The following PREX2 variants were observed in gnomAD, a reference collection of about 807,000 sequenced individuals.
PREX2 encodes the protein phosphatidylinositol 3,4,5-trisphosphate-dependent Rac exchanger 2 protein.
Under a neutral mutation model 203.2 loss-of-function variants are expected in PREX2, and 107 were observed. The observed-to-expected ratio is 0.53, with a 90% CI of 0.45 to 0.62. The LOEUF (loss-of-function observed/expected upper bound fraction) is 0.62. Among genes scored for constraint, PREX2 ranks in the 20% least tolerant of loss-of-function variants. PREX2 has a pLI of 0.00. For synonymous variants in PREX2, 672 were observed against 663.6 expected (o/e 1.01, Z -0.19); for missense variants, 1,777 against 1,955.9 (o/e 0.91, Z 1.72).
rs961986067 is a variant in PREX2 at position 68,020,334 on chromosome 8, A to C, written c.336+663A>C. Reference sequence around the variant, plus strand: ...TTCAGAACTAAAGGGCATTCACACCAAAAAAAAAAAAAAAAAAAAGTATGC... The same window carrying C: ...TTCAGAACTAAAGGGCATTCACACCCAAAAAAAAAAAAAAAAAAAGTATGC... On this transcript the variant is annotated intron_variant, in intron 3 of 39. Transcript: ENST00000288368. Among the ~76,000 whole-genome samples, 7 of 44,924 alleles carry C rather than the reference A, an allele frequency of 1.6e-4. No individual in the cohort carries two copies. The African/African-American group carries it at 3.7e-3, about 23-fold the overall frequency. 29.5% of individuals were successfully genotyped at this position (44,924 alleles called of 152,430 possible).
At chr8:68,089,133 C>T (rs1475977113) in intron 19 of PREX2, among the ~76,000 whole-genome samples, 1 of 151,930 alleles carries the variant, frequency 6.6e-6, no homozygotes, top group Non-Finnish European at 1.5e-5. Flanking sequence ...CCCCTGCCTC[C>T]CACCCTCAGC....
intron 37 of PREX2, among the ~76,000 whole-genome samples, chr8:68,216,402 G>A (rs1812838996): frequency 6.6e-6 from 1 of 152,018 alleles, no homozygotes; most frequent in South Asian, 2.1e-4. Flanking sequence ...GGAGGTAAAT[G>A]CAAAATAAGG....
chr8:67,965,202 C>G (rs1230502795), intron 1 of PREX2, among the ~76,000 whole-genome samples: 1 of 152,148 alleles, frequency 6.6e-6, no homozygotes, highest in Non-Finnish European at 1.5e-5. Context: ...AGGAGTTTCC[C>G]TCACAGAAAT....
At chr8:68,083,554 C>T (rs4513957) in intron 18 of PREX2, among the ~76,000 whole-genome samples, 166 bp downstream of exon 18, 80,882 of 151,994 alleles carry the variant, frequency 0.53, 21,522 homozygotes, top group South Asian at 0.56. Flanking sequence ...GAAGCTACAT[C>T]GCTTGTGATG....
chr8:67,986,929 A>T (rs1206929644), intron 1 of PREX2, among the ~76,000 whole-genome samples: 1 of 151,988 alleles, frequency 6.6e-6, no homozygotes, highest in South Asian at 2.1e-4. Flanking sequence ...ACTTCGGGAG[A>T]CTGAGGTGGG....
Position 68,112,589 on chromosome 8 carries a change from C to A in PREX2, c.3146+2966C>A, listed in dbSNP as rs141381181. 4.5e-3 allele frequency among the ~76,000 whole-genome samples: 689 copies of A among 152,124 alleles called. 7 individuals carry two copies. The highest frequency in any genetic ancestry group is 0.016 in the African/African-American group (663 of 41,502). The stretch of plus-strand genomic sequence containing the variant: ...CAACAAGAGGGGCACACCATAAAAG[C>A]CAACTTTTTTATAGATGCTTATTTG... On this transcript the variant is annotated intron_variant, in intron 25 of 39. Transcript: ENST00000288368.
intron 37 of PREX2, among the ~76,000 whole-genome samples, chr8:68,198,402 G>C (rs763117979): frequency 6.6e-6 from 1 of 152,110 alleles, no homozygotes; most frequent in Non-Finnish European, 1.5e-5. Context: ...CAGCACTGTG[G>C]CTTTTCAAAT....
intron 1 of PREX2, among the ~76,000 whole-genome samples, chr8:68,003,612 G>C (rs996317968): frequency 6.6e-6 from 1 of 152,098 alleles, no homozygotes; most frequent in Non-Finnish European, 1.5e-5. Flanking sequence ...TCTTCAAGGA[G>C]CAATATTCTG....
Position 68,231,476 on chromosome 8 carries a change from G to GAT in PREX2, c.*98_*99insAT. On this transcript the variant is annotated 3_prime_UTR_variant, in exon 40 of 40. Coordinates refer to ENST00000288368, the MANE Select transcript of PREX2 (RefSeq NM_024870.4). ...CATTCTCCACTGAAGATACATCAAT[G>GAT]CTTTTTTTTTTTTTTTTTTCTGTAA... 1.6e-6 allele frequency: 1 copy of GAT among 643,706 alleles called. No individual in the cohort carries two copies. Among genetic ancestry groups the GAT allele is most frequent in the South Asian group, 3.4e-5 (1 of 29,076 alleles). 39.9% of individuals were successfully genotyped at this position (643,706 alleles called of 1,614,324 possible).
chr8:67,992,759 A>G (rs1175850787), intron 1 of PREX2, among the ~76,000 whole-genome samples: 1 of 152,228 alleles, frequency 6.6e-6, no homozygotes, highest in Non-Finnish European at 1.5e-5. Context: ...GCAACGGTGC[A>G]GATTCCTTTA....
At chr8:68,220,369 A>G (rs954838266) in intron 38 of PREX2, 2 of 152,202 alleles carry the variant, frequency 1.3e-5, no homozygotes, top group African/African-American at 4.8e-5. Flanking sequence ...TGTCATTTAC[A>G]TTATAAATTT....
intron 23 of PREX2, among the ~76,000 whole-genome samples, chr8:68,107,904 G>T (rs1243175638): frequency 6.6e-6 from 1 of 152,140 alleles, no homozygotes; most frequent in Non-Finnish European, 1.5e-5. Flanking sequence ...ATATGCATTT[G>T]CTGCTTATAT....
At chr8:67,969,827 A>G (rs1805875236) in intron 1 of PREX2, among the ~76,000 whole-genome samples, 1 of 152,166 alleles carries the variant, frequency 6.6e-6, no homozygotes, top group Non-Finnish European at 1.5e-5. Context: ...GCTGTGTAAA[A>G]ATGGGAAGTC....
At chr8:67,992,219 A>G (rs928310820) in intron 1 of PREX2, among the ~76,000 whole-genome samples, 1 of 152,156 alleles carries the variant, frequency 6.6e-6, no homozygotes, top group African/African-American at 2.4e-5. Flanking sequence ...GGTTCAATCA[A>G]GGATGTCTGC....
At chr8:68,228,343 C>T (rs1055800155) in intron 39 of PREX2, among the ~76,000 whole-genome samples, 30 of 152,088 alleles carry the variant, frequency 2.0e-4, no homozygotes, top group African/African-American at 7.0e-4. Flanking sequence ...AAAAAATTGG[C>T]CGAGCATGGT....
chr8:68,169,709 CT>C (rs1176063391), intron 35 of PREX2, among the ~76,000 whole-genome samples: 1 of 152,080 alleles, frequency 6.6e-6, no homozygotes, highest in Admixed American at 6.6e-5. Flanking sequence ...ATTGTTTACA[CT>C]GTATTAGGCC....
At chr8:68,139,649 G>C (rs947425604) in intron 33 of PREX2, among the ~76,000 whole-genome samples, 3 of 152,188 alleles carry the variant, frequency 2.0e-5, no homozygotes, top group Non-Finnish European at 2.9e-5. Flanking sequence ...CCAGGTGGGA[G>C]AGGATGGTGA....
rs537699379 is a variant in PREX2 at position 67,997,433 on chromosome 8, A to G, written c.142-20413A>G. ...GAGACTAATAACAATAACTAAGAAAATAGAACAGTTATACTAGGGATAAAG... is the reference window on the plus strand; with the variant it reads ...GAGACTAATAACAATAACTAAGAAAGTAGAACAGTTATACTAGGGATAAAG... On this transcript the variant is annotated intron_variant, in intron 1 of 39. Coordinates refer to ENST00000288368, the MANE Select transcript of PREX2 (RefSeq NM_024870.4). 3.9e-5 allele frequency among the ~76,000 whole-genome samples: 6 copies of G among 152,206 alleles called. No homozygotes were observed. The South Asian group carries it at 1.2e-3, about 31-fold the overall frequency.
At chr8:68,047,478 T>C (rs1252782554) in intron 8 of PREX2, among the ~76,000 whole-genome samples, 1 of 44,412 alleles carries the variant, frequency 2.3e-5, no homozygotes, top group Non-Finnish European at 3.8e-5. Context: ...TTTATATATA[T>C]ATATATATAT....
Sources: gnomAD v4.1 joint callset for allele counts (sites outside exome capture counted in the v4.1 genomes callset) on GRCh38, gnomAD v4.1.1 for gene constraint, MANE v1.5 for transcripts, NCBI Gene and HGNC (gene_info 2026-07-23, HGNC 2026-07-21) for gene names.